The following PLPPR1 variants were observed in gnomAD, a reference collection of about 807,000 sequenced individuals.
PLPPR1 encodes the protein phospholipid phosphatase related 1, also known as phospholipid phosphatase-related protein type 1.
In PLPPR1, 10 loss-of-function variants were observed where a neutral mutation model predicts 33.1. The ratio of observed to expected loss-of-function variants is 0.30; its 90% CI spans 0.19 to 0.51. The LOEUF is 0.51. PLPPR1 is among the 20% of genes least tolerant of loss of function. The pLI is 0.97. For synonymous variants in PLPPR1, 151 were observed against 151.0 expected, an observed-to-expected ratio of 1.00 and a Z score of 0.00; for missense variants, 304 against 408.1, an observed-to-expected ratio of 0.74 and a Z score of 2.20.
intron 2 of PLPPR1, among the ~76,000 whole-genome samples, chr9:101,267,228 C>G (rs1247381914): frequency 6.6e-6 from 1 of 152,202 alleles, no homozygotes; most frequent in Non-Finnish European, 1.5e-5. Context: ...CTTAACAAGT[C>G]AAGCATAAAA....
chr9:101,080,465 T>C (rs1011106524), intron 1 of PLPPR1, among the ~76,000 whole-genome samples: 1 of 152,044 alleles, frequency 6.6e-6, no homozygotes, highest in Non-Finnish European at 1.5e-5. Flanking sequence ...CAATGAGCCA[T>C]GATTGTGCCA....
At chr9:101,030,285 C>T (rs1337260628) in intron 1 of PLPPR1, among the ~76,000 whole-genome samples, 1 of 151,276 alleles carries the variant, frequency 6.6e-6, no homozygotes, top group East Asian at 2.0e-4. Context: ...ATAATGGTCA[C>T]TTAGGAGAGG....
chr9:101,044,906 C>T (rs894410017), intron 1 of PLPPR1, among the ~76,000 whole-genome samples: 1 of 152,152 alleles, frequency 6.6e-6, no homozygotes, highest in South Asian at 2.1e-4. Context: ...AGGTGTTATG[C>T]TTACTATGTT....
At chr9:101,116,444 C>G (rs1050923794) in intron 1 of PLPPR1, among the ~76,000 whole-genome samples, 1 of 152,130 alleles carries the variant, frequency 6.6e-6, no homozygotes, top group South Asian at 2.1e-4. Flanking sequence ...TCATGGAAAG[C>G]CTTCTTATTT....
At chr9:101,295,944 T>A (rs1828626596) in intron 4 of PLPPR1, among the ~76,000 whole-genome samples, 1 of 147,530 alleles carries the variant, frequency 6.8e-6, no homozygotes, top group South Asian at 2.2e-4. Context: ...AAGCCAAAAT[T>A]GACAAATGGG....
At chr9:101,215,559 G>C (rs114676775) in intron 2 of PLPPR1, among the ~76,000 whole-genome samples, 1 of 152,156 alleles carries the variant, frequency 6.6e-6, no homozygotes, top group Non-Finnish European at 1.5e-5. Flanking sequence ...GTGAGCCACC[G>C]CGCCCAGCTG....
intron 1 of PLPPR1, among the ~76,000 whole-genome samples, chr9:101,148,102 G>A (rs2118644419): frequency 6.6e-6 from 1 of 152,218 alleles, no homozygotes; most frequent in Middle Eastern, 3.4e-3. Flanking sequence ...TGCCTAGGGT[G>A]CCTTGCCTTA....
Position 101,108,072 on chromosome 9 carries a change from C to G in PLPPR1, c.-45-77378C>G, listed in dbSNP as rs370410919. Among the ~76,000 whole-genome samples the G allele has an allele frequency of 6.8e-5, 10 of 147,338 alleles. 1 individual carries two copies. The highest frequency in any genetic ancestry group is 2.1e-4 in the South Asian group (1 of 4,668). On this transcript the variant is annotated intron_variant, in intron 1 of 7. Coordinates refer to ENST00000374874, the MANE Select transcript of PLPPR1 (RefSeq NM_207299.2). ...CTGGCACTCCCTAGTGAGATGAACC[C>G]GGTACCTCAGATGGAAATGCAGAAA...
intron 1 of PLPPR1, among the ~76,000 whole-genome samples, chr9:101,149,244 A>G (rs1393351741): frequency 6.6e-6 from 1 of 152,236 alleles, no homozygotes; most frequent in Admixed American, 6.5e-5. Context: ...AGAATTAAGT[A>G]AAGCATAGAC....
intron 1 of PLPPR1, among the ~76,000 whole-genome samples, chr9:101,114,863 A>G (rs1831100370): frequency 6.6e-6 from 1 of 152,214 alleles, no homozygotes. Flanking sequence ...ATGCTGGTAG[A>G]CATGCATCTC....
intron 1 of PLPPR1, among the ~76,000 whole-genome samples, chr9:101,084,271 C>A (rs1830652340): frequency 6.6e-6 from 1 of 152,146 alleles, no homozygotes; most frequent in South Asian, 2.1e-4. Context: ...CTGTGCCCAG[C>A]AAGGTACATG....
At chr9:101,125,291 A>G (rs1489216498) in intron 1 of PLPPR1, 6 of 163,516 alleles carry the variant, frequency 3.7e-5, no homozygotes, top group Non-Finnish European at 2.6e-5. Flanking sequence ...CACTTTACGT[A>G]CTTGTCTCTA....
At chr9:101,240,412 GT>G in intron 2 of PLPPR1, among the ~76,000 whole-genome samples, 1 of 151,624 alleles carries the variant, frequency 6.6e-6, no homozygotes, top group Non-Finnish European at 1.5e-5. Flanking sequence ...TTTTAGAATT[GT>G]TTTTTTCTCT....
At position 101,055,786 on chromosome 9, in the gene PLPPR1, C is replaced by T. The variant is rs541119246; in HGVS notation, c.-46+26684C>T. Among the ~76,000 whole-genome samples, 15 of 152,312 alleles carry T rather than the reference C, an allele frequency of 9.8e-5. No homozygotes were observed. In the South Asian group the frequency reaches 3.1e-3, roughly 32 times the overall value. ...TGTTGGGCCACATGGTTCCACATCA[C>T]ACGGGTAGGATGGAGAGGTACAGTG... On this transcript the variant is annotated intron_variant, in intron 1 of 7. Transcript: ENST00000374874.
intron 1 of PLPPR1, among the ~76,000 whole-genome samples, chr9:101,140,287 A>G (rs16919949): frequency 0.028 from 4,332 of 152,242 alleles, 181 homozygotes; most frequent in African/African-American, 0.091. Flanking sequence ...GCTGAAATGT[A>G]CAGAAGCCAA....
At chr9:101,223,898 C>T (rs1026672208) in intron 2 of PLPPR1, among the ~76,000 whole-genome samples, 2 of 151,954 alleles carry the variant, frequency 1.3e-5, no homozygotes, top group East Asian at 3.9e-4. Context: ...ATAACCAAAC[C>T]AGTACTTCAT....
intron 1 of PLPPR1, among the ~76,000 whole-genome samples, chr9:101,134,450 T>G (rs772643542): frequency 6.6e-5 from 10 of 151,816 alleles, no homozygotes; most frequent in South Asian, 2.1e-4. Flanking sequence ...TGGTGTGACC[T>G]GGGCTCACTG....
chr9:101,176,116 G>A (rs946363859), intron 1 of PLPPR1, among the ~76,000 whole-genome samples: 1 of 152,166 alleles, frequency 6.6e-6, no homozygotes, highest in Non-Finnish European at 1.5e-5. Flanking sequence ...GCTTGTTCTA[G>A]CCAAAGGGCC....
chr9:101,127,710 G>T (rs563098897), intron 1 of PLPPR1, among the ~76,000 whole-genome samples: 3 of 152,138 alleles, frequency 2.0e-5, no homozygotes, highest in Non-Finnish European at 4.4e-5. Context: ...GTGTGTCAGC[G>T]TAGCCCTCCA....
Sources: allele counts gnomAD v4.1 joint callset (sites outside exome capture counted in the v4.1 genomes callset), GRCh38; gene constraint gnomAD v4.1.1; transcripts MANE v1.5; gene names NCBI Gene and HGNC (gene_info 2026-07-23, HGNC 2026-07-21).